GATD1: variants seen among roughly 807,000 people sequenced by gnomAD.
The protein encoded by GATD1 is glutamine amidotransferase-like class 1 domain-containing protein 1.
In GATD1, 23 loss-of-function variants were observed where a neutral mutation model predicts 25.9. That is an observed-to-expected ratio of 0.89 (90% CI 0.64 to 1.26). GATD1 has a LOEUF of 1.26. GATD1 is among the 50% of genes most tolerant of loss of function. GATD1 has a pLI of 0.00. For missense variants in GATD1, 347 were observed against 312.5 expected, an observed-to-expected ratio of 1.11 and a Z score of -0.83; for synonymous variants, 177 against 134.6, an observed-to-expected ratio of 1.31 and a Z score of -2.18.
rs914861790 is a variant in GATD1, at chr11:770,583, C to A, written c.*314G>T. ...GTCAACAGTGACCACACGTGACAAC[C>A]AGTCCTCCCTAGAAAACCCAGCCTG... is the stretch of plus-strand genomic sequence containing the variant. On this transcript the variant is annotated 3_prime_UTR_variant, in exon 8 of 8. Coordinates refer to ENST00000319863, the MANE Select transcript of GATD1 (RefSeq NM_182612.4). 244 of 1,413,122 alleles carry A rather than the reference C, an allele frequency of 1.7e-4. No individual in the cohort carries two copies. Among genetic ancestry groups the A allele is most frequent in the Non-Finnish European group, 2.1e-4 (230 of 1,086,810 alleles). 87.5% of individuals were successfully genotyped at this position (1,413,122 alleles called of 1,614,324 possible). A position where few individuals can be genotyped will look rare whatever the true frequency, so the allele number is the denominator to read the frequency against.
In GATD1 at chr11:775,195, C is replaced by G. The variant is rs1863841298; in HGVS notation, c.65-53G>C. On this transcript the variant is annotated intron_variant, in intron 1 of 7. Coordinates refer to ENST00000319863, the MANE Select transcript of GATD1 (RefSeq NM_182612.4). The stretch of plus-strand genomic sequence containing the variant: ...TCGACAGGACTAGCGTGCCCCGCCT[C>G]AGGGGGCTACCCAGACACCCCCATG... 5 of 1,464,696 alleles carry G rather than the reference C, an allele frequency of 3.4e-6. No individual in the cohort carries two copies. The African/African-American group carries it at 4.2e-5, about 12-fold the overall frequency. 90.7% of individuals were successfully genotyped at this position (1,464,696 alleles called of 1,614,324 possible).
chr11:775,188 C>T, intron 1 of GATD1, 46 bp from the exon 2 acceptor site: 2 of 1,527,234 alleles, frequency 1.3e-6, no homozygotes, highest in South Asian at 2.4e-5. Context: ...ACTAGCGTGC[C>T]CCGCCTCAGG....
intron 1 of GATD1, among the ~76,000 whole-genome samples, chr11:775,517 C>T (rs991719338): frequency 1.3e-5 from 2 of 152,242 alleles, no homozygotes; most frequent in Non-Finnish European, 2.9e-5. Context: ...ACCCCAGCCT[C>T]ATCCTAGTGC....
In GATD1 at chr11:770,146, C is replaced by A; in HGVS notation, c.*751G>T. ...GGAGGGCCACAGCCCAGGCCAGGTG[C>A]CCAGCAGGCTGGACCACTGTCTGCT... On this transcript the variant is annotated 3_prime_UTR_variant, in exon 8 of 8. Transcript: ENST00000319863. 1 of 1,249,882 alleles carries A rather than the reference C, an allele frequency of 8.0e-7. No individual in the cohort carries two copies. The highest frequency in any genetic ancestry group is 3.1e-5 in the East Asian group (1 of 32,210). 77.4% of individuals were successfully genotyped at this position (1,249,882 alleles called of 1,614,324 possible). A position where few individuals can be genotyped will look rare whatever the true frequency, so the allele number is the denominator to read the frequency against.
intron 6 of GATD1, 92 bp from the exon 7 acceptor site, chr11:771,196 G>T: frequency 6.5e-7 from 1 of 1,544,702 alleles, no homozygotes. Context: ...GTCAGCAGTA[G>T]GTCAGCCTGT....
chr11:774,221 C>T (rs1863739810), intron 2 of GATD1, 108 bp from the exon 3 acceptor site: 5 of 887,686 alleles, frequency 5.6e-6, no homozygotes, highest in South Asian at 4.7e-5. Flanking sequence ...CCCCCTGAGG[C>T]ACAAAGGCCC....
chr11:772,531 G>A lies in GATD1; in HGVS notation c.356-10C>T, dbSNP rs572612201. The A allele has an allele frequency of 3.7e-5, 59 of 1,607,914 alleles. 1 individual carries two copies. Among genetic ancestry groups the A allele is most frequent in the South Asian group, 3.1e-4 (28 of 91,078 alleles). On this transcript the variant is annotated splice_polypyrimidine_tract_variant and intron_variant, in intron 4 of 7. Coordinates refer to ENST00000319863, the MANE Select transcript of GATD1 (RefSeq NM_182612.4). ...ACGGCGCAGATGGGTTCTGAAAGCC[G>A]TACATGGCGTTGAGGCCCTGGACCC...
rs1417109554 is a variant in GATD1 at position 769,229 on chromosome 11, C to A, written c.*1668G>T. The stretch of plus-strand genomic sequence containing the variant: ...TGGGCATCCTGACTAATCTGCGAGG[C>A]ACTGGAGGGACGCAGCCTTCAGGGC... On this transcript the variant is annotated 3_prime_UTR_variant, in exon 8 of 8. Coordinates refer to ENST00000319863, the MANE Select transcript of GATD1 (RefSeq NM_182612.4). 1 of 985,402 alleles carries A rather than the reference C, an allele frequency of 1.0e-6. No homozygotes were observed. The highest frequency in any genetic ancestry group is 1.7e-5 in the African/African-American group (1 of 57,260). The allele number at this position is 985,402 out of a possible 1,614,324, so 61.0% of individuals were successfully genotyped here.
At chr11:774,597 G>A (rs1051047894) in intron 2 of GATD1, among the ~76,000 whole-genome samples, 4 of 152,248 alleles carry the variant, frequency 2.6e-5, no homozygotes, top group African/African-American at 9.6e-5. Context: ...TTGGGAGGCC[G>A]AGGCGGGTGG....
intron 4 of GATD1, chr11:772,752 G>C: frequency 5.2e-6 from 3 of 578,772 alleles, no homozygotes; most frequent in Non-Finnish European, 9.3e-6. Flanking sequence ...CTCTGGTTTA[G>C]AGCCCAAATC....
At chr11:776,418 A>C (rs1007242840) in intron 1 of GATD1, among the ~76,000 whole-genome samples, 2 of 151,876 alleles carry the variant, frequency 1.3e-5, no homozygotes, top group African/African-American at 4.8e-5. Context: ...TGCTGCCCCC[A>C]GCCTGCTGGC....
intron 5 of GATD1, among the ~76,000 whole-genome samples, 185 bp downstream of exon 5, chr11:772,242 G>A (rs1279258104): frequency 4.2e-5 from 1 of 23,752 alleles, no homozygotes; most frequent in African/African-American, 1.2e-4. Flanking sequence ...AGCCTGCCTC[G>A]GCCTCCAGGC....
At position 769,879 on chromosome 11, in the gene GATD1, G is replaced by T. The variant is rs1259788934; in HGVS notation, c.*1018C>A. 12 of 975,480 alleles carry T rather than the reference G, an allele frequency of 1.2e-5. No homozygotes were observed. Among genetic ancestry groups the T allele is most frequent in the South Asian group, 4.7e-5 (1 of 21,060 alleles). 60.4% of individuals were successfully genotyped at this position (975,480 alleles called of 1,614,324 possible). On this transcript the variant is annotated 3_prime_UTR_variant, in exon 8 of 8. Transcript: ENST00000319863. ...GATCCGCCCGCCTCGGCCTCCCAAA[G>T]TGCTGGGGTTACAGGTGTGAGCCAC...
At position 775,976 on chromosome 11, in the gene GATD1, C is replaced by CTTTTTTTTTTTTTTTTTTT. The variant is rs71022972; in HGVS notation, c.65-853_65-835dup. Reference sequence around the variant, plus strand: ...CCTCAGCTTCATTTTTATCTTCATTCTTTTTTTTTTTTTTTTTTTTTTTTT... The same window carrying CTTTTTTTTTTTTTTTTTTT: ...CCTCAGCTTCATTTTTATCTTCATTCTTTTTTTTTTTTTTTTTTTTTTTTTTTTTTTTTTTTTTTTTTTT... On this transcript the variant is annotated intron_variant, in intron 1 of 7. Transcript: ENST00000319863. Among the ~76,000 whole-genome samples, 15 of 72,278 alleles carry CTTTTTTTTTTTTTTTTTTT rather than the reference C, an allele frequency of 2.1e-4. 1 individual carries two copies. Among genetic ancestry groups the CTTTTTTTTTTTTTTTTTTT allele is most frequent in the Admixed American group, 4.5e-4 (2 of 4,408 alleles). 47.4% of individuals were successfully genotyped at this position (72,278 alleles called of 152,430 possible). A position where few individuals can be genotyped will look rare whatever the true frequency, so the allele number is the denominator to read the frequency against.
Position 770,310 on chromosome 11 carries a change from T to C in GATD1, c.*587A>G. ...AGGACAGGGTGCATCACTGAGGTGCTTACACTTTGAAACCACACGCCAGGA... is the reference window on the plus strand; with the variant it reads ...AGGACAGGGTGCATCACTGAGGTGCCTACACTTTGAAACCACACGCCAGGA... On this transcript the variant is annotated 3_prime_UTR_variant, in exon 8 of 8. Transcript: ENST00000319863. 6.5e-7 allele frequency: 1 copy of C among 1,531,522 alleles called. No individual in the cohort carries two copies. The highest frequency in any genetic ancestry group is 8.7e-7 in the Non-Finnish European group (1 of 1,144,668). The allele number at this position is 1,531,522 out of a possible 1,614,324, so 94.9% of individuals were successfully genotyped here. A position where few individuals can be genotyped will look rare whatever the true frequency, so the allele number is the denominator to read the frequency against.
rs75350563 is a variant in GATD1 at position 774,021 on chromosome 11, G to A, written c.234C>T (p.Leu78=). 1.1e-5 allele frequency: 17 copies of A among 1,613,604 alleles called. No individual in the cohort carries two copies. In the East Asian group the frequency reaches 1.8e-4, roughly 17 times the overall value. The change falls in exon 3 of 8, where the codon CTC becomes CTT. Residue 78 remains leucine, a synonymous_variant. Transcript: ENST00000319863. The part of the protein sequence containing the change: ...RLKAYASPAK[L]ESIDGARYHA... Reference sequence around the variant, plus strand: ...TCCCGGGCCTACCATCGATGGACTCGAGCTTGGCGGGGCTGGCGTAAGCCT... The same window carrying A: ...TCCCGGGCCTACCATCGATGGACTCAAGCTTGGCGGGGCTGGCGTAAGCCT...
intron 1 of GATD1, 42 bp from the exon 2 acceptor site, chr11:775,184 GTGCCCCGCCT>G (rs748302506): frequency 6.5e-7 from 1 of 1,536,776 alleles, no homozygotes; most frequent in South Asian, 1.2e-5. Context: ...CAGGACTAGC[GTGCCCCGCCT>G]CAGGGGGCTA....
At position 775,148 on chromosome 11, in the gene GATD1, G is replaced by A; in HGVS notation, c.65-6C>T. 1 of 1,596,370 alleles carries A rather than the reference G, an allele frequency of 6.3e-7. No homozygotes were observed. The highest frequency in any genetic ancestry group is 8.5e-7 in the Non-Finnish European group (1 of 1,172,874). ...GAAGGACTGGGCCGACACACCTGCA[G>A]AAGGTCCCAGTGAGTGTGGGCTCGA... is the stretch of plus-strand genomic sequence containing the variant. On this transcript the variant is annotated splice_polypyrimidine_tract_variant and splice_region_variant and intron_variant, in intron 1 of 7. Coordinates refer to ENST00000319863, the MANE Select transcript of GATD1 (RefSeq NM_182612.4).
At position 773,609 on chromosome 11, in the gene GATD1, G is replaced by A. The variant is rs771468493; in HGVS notation, c.268C>T (p.Leu90=). ...SIDGARYHAL[L]IPSCPGALTD... The stretch of plus-strand genomic sequence containing the variant: ...AGGGCCCCAGGACAGCTGGGGATCA[G>A]GAGGGCATGGTACCGGGCACCTGGG... The change falls in exon 4 of 8, where the codon CTG becomes TTG. Residue 90 remains leucine (L), a synonymous_variant. Coordinates refer to ENST00000319863, the MANE Select transcript of GATD1 (RefSeq NM_182612.4). The A allele has an allele frequency of 4.4e-6, 7 of 1,608,684 alleles. No homozygotes were observed. The highest frequency in any genetic ancestry group is 3.4e-5 in the Admixed American group (2 of 58,564).
Sources: allele counts gnomAD v4.1 joint callset (sites outside exome capture counted in the v4.1 genomes callset), GRCh38; gene constraint gnomAD v4.1.1; transcripts MANE v1.5; gene names NCBI Gene and HGNC (gene_info 2026-07-23, HGNC 2026-07-21).